EPHA6: variants seen among roughly 807,000 people sequenced by gnomAD.
The protein encoded by EPHA6 is ephrin type-A receptor 6.
EPHA6 carries 50 observed loss-of-function variants against 112.0 expected under a neutral mutation model. The ratio of observed to expected loss-of-function variants is 0.45; its 90% confidence interval spans 0.36 to 0.56. The LOEUF (loss-of-function observed/expected upper bound fraction) is 0.56, where lower values mean the gene tolerates loss of function less well. EPHA6 is among the 20% of genes least tolerant of loss of function. The pLI, the probability that EPHA6 is intolerant of heterozygous loss-of-function variation, is 0.00. For missense variants in EPHA6, 1,280 were observed against 1,417.4 expected (o/e 0.90, Z 1.56); for synonymous variants, 529 against 490.7 (o/e 1.08, Z -1.03).
In EPHA6 at chr3:96,866,974, C is replaced by T. The variant is rs963050091; in HGVS notation, c.450+85C>T. 18 of 718,766 alleles carry T rather than the reference C, an allele frequency of 2.5e-5. No homozygotes were observed. The Admixed American group carries it at 2.9e-4, about 11-fold the overall frequency. 44.5% of individuals were successfully genotyped at this position (718,766 alleles called of 1,614,324 possible). On this transcript the variant is annotated intron_variant, in intron 2 of 17. Transcript: ENST00000389672. ...TTGATGGAACAGTGAATTTTGGGCC[C>T]TACTTGTTATGAATTTTGACATATA...
intron 6 of EPHA6, among the ~76,000 whole-genome samples, chr3:97,417,439 G>A (rs1385250207): frequency 6.6e-6 from 1 of 152,028 alleles, no homozygotes; most frequent in African/African-American, 2.4e-5. Context: ...AAAGTGCTAT[G>A]TCCAATAGCC....
At chr3:97,314,090 G>T (rs1329880572) in intron 5 of EPHA6, among the ~76,000 whole-genome samples, 4 of 151,418 alleles carry the variant, frequency 2.6e-5, no homozygotes, top group African/African-American at 9.7e-5. Flanking sequence ...TCATTCTAAT[G>T]CATGTAAATA....
At chr3:97,239,208 G>A (rs2078770117) in intron 4 of EPHA6, among the ~76,000 whole-genome samples, 1 of 151,830 alleles carries the variant, frequency 6.6e-6, no homozygotes, top group South Asian at 2.1e-4. Flanking sequence ...TTGCTCTTCT[G>A]TATATAAAAT....
At chr3:97,407,183 GA>G (rs578045803) in intron 6 of EPHA6, among the ~76,000 whole-genome samples, 84 of 152,026 alleles carry the variant, frequency 5.5e-4, no homozygotes, top group Non-Finnish European at 1.0e-3. Context: ...AAATTAATAT[GA>G]TTCTAAAAGG....
intron 3 of EPHA6, among the ~76,000 whole-genome samples, chr3:97,005,889 CT>C (rs1334208703): frequency 6.6e-6 from 1 of 152,048 alleles, no homozygotes; most frequent in Non-Finnish European, 1.5e-5. Flanking sequence ...TGATTTTTGT[CT>C]TTGGTTCTAT....
At chr3:97,183,077 A>G (rs1460250381) in intron 3 of EPHA6, among the ~76,000 whole-genome samples, 1 of 152,038 alleles carries the variant, frequency 6.6e-6, no homozygotes, top group East Asian at 1.9e-4. Flanking sequence ...AATGGTGTAC[A>G]TCTCTTTTAA....
chr3:97,469,901 G>T (rs1261457206), intron 7 of EPHA6, among the ~76,000 whole-genome samples: 1 of 151,642 alleles, frequency 6.6e-6, no homozygotes, highest in Non-Finnish European at 1.5e-5. Context: ...CTCACAGTAG[G>T]CTGTGTCACT....
At chr3:97,416,954 G>A (rs910202620) in intron 6 of EPHA6, among the ~76,000 whole-genome samples, 2 of 151,778 alleles carry the variant, frequency 1.3e-5, no homozygotes, top group African/African-American at 2.4e-5. Flanking sequence ...TCAAGGTAAG[G>A]CATTTACAAA....
chr3:97,286,965 A>G (rs1195227118), intron 5 of EPHA6, among the ~76,000 whole-genome samples: 8 of 151,610 alleles, frequency 5.3e-5, no homozygotes, highest in African/African-American at 1.7e-4. Flanking sequence ...ATTCTTGATT[A>G]AATTTATTCC....
chr3:96,883,123 G>T (rs762867692), intron 2 of EPHA6, among the ~76,000 whole-genome samples: 4 of 152,072 alleles, frequency 2.6e-5, no homozygotes, highest in Non-Finnish European at 5.9e-5. Flanking sequence ...GACCATACTT[G>T]CAGGAGTAAG....
At chr3:97,010,102 T>TA in intron 3 of EPHA6, 1 of 1,273,718 alleles carries the variant, frequency 7.9e-7, no homozygotes, top group South Asian at 1.3e-5. Context: ...GTAGCATTAC[T>TA]AAAATATTAA....
intron 1 of EPHA6, among the ~76,000 whole-genome samples, chr3:96,865,397 C>T (rs999886554): frequency 1.3e-5 from 2 of 151,776 alleles, no homozygotes; most frequent in African/African-American, 4.8e-5. Context: ...ATGAGAAACC[C>T]CCAGCCAGGT....
At chr3:97,695,868 A>G (rs2033006196) in intron 14 of EPHA6, among the ~76,000 whole-genome samples, 2 of 152,220 alleles carry the variant, frequency 1.3e-5, no homozygotes. Context: ...ATATGCATTA[A>G]TGCCCAAAAT....
chr3:97,386,693 C>G (rs1035532948), intron 5 of EPHA6, among the ~76,000 whole-genome samples: 27 of 152,312 alleles, frequency 1.8e-4, no homozygotes, highest in African/African-American at 6.5e-4. Flanking sequence ...TGGTGGCCCA[C>G]TTCTCACAGC....
intron 1 of EPHA6, among the ~76,000 whole-genome samples, chr3:96,829,951 A>ACACG: frequency 1.2e-5 from 1 of 82,358 alleles, no homozygotes; most frequent in Non-Finnish European, 2.5e-5. Context: ...GCGCGCGCGC[A>ACACG]CACACACACA....
chr3:97,548,971 G>A (rs979030331), intron 11 of EPHA6, among the ~76,000 whole-genome samples: 1 of 152,170 alleles, frequency 6.6e-6, no homozygotes, highest in Admixed American at 6.5e-5. Flanking sequence ...TCCTAATATA[G>A]TGCAAAGTAT....
rs144080395 is a variant in EPHA6, at chr3:97,250,296, G to A, written c.1606+6009G>A. 5.1e-4 allele frequency among the ~76,000 whole-genome samples: 77 copies of A among 152,142 alleles called. 1 individual carries two copies. The East Asian group carries it at 9.8e-3, about 19-fold the overall frequency. On this transcript the variant is annotated intron_variant, in intron 5 of 17. Coordinates refer to ENST00000389672, the MANE Select transcript of EPHA6 (RefSeq NM_001080448.3). ...ATCAACACTAAACCATCCTTTAATA[G>A]CAATTTTTCTCCGTGATCATACATT...
intron 2 of EPHA6, among the ~76,000 whole-genome samples, chr3:96,920,635 T>C (rs112961410): frequency 0.011 from 1,669 of 151,938 alleles, 29 homozygotes; most frequent in African/African-American, 0.038. Context: ...CAGAAACCTG[T>C]AAGGATTGTG....
At chr3:97,202,459 G>A (rs982063167) in intron 3 of EPHA6, among the ~76,000 whole-genome samples, 2 of 151,678 alleles carry the variant, frequency 1.3e-5, no homozygotes, top group Non-Finnish European at 2.9e-5. Context: ...AGTCTCCATG[G>A]TACCTGAGAT....
Sources: allele counts gnomAD v4.1 joint callset (sites outside exome capture counted in the v4.1 genomes callset), GRCh38; gene constraint gnomAD v4.1.1; transcripts MANE v1.5; gene names NCBI Gene and HGNC (gene_info 2026-07-23, HGNC 2026-07-21).